The following LRRK2 variants were observed in gnomAD, a reference collection of about 807,000 sequenced individuals.
The protein encoded by LRRK2 is leucine-rich repeat serine/threonine-protein kinase 2.
Under a neutral mutation model 302.6 loss-of-function variants are expected in LRRK2, and 203 were observed. The observed-to-expected ratio is 0.67, with a 90% CI of 0.60 to 0.75. The LOEUF is 0.75. Among genes scored for constraint, LRRK2 ranks in the 30% least tolerant of loss-of-function variants. The pLI is 0.00. For synonymous variants in LRRK2, 1,066 were observed against 1,031.9 expected (o/e 1.03, Z -0.63); for missense variants, 2,830 against 2,951.0 (o/e 0.96, Z 0.95).
At position 40,367,655 on chromosome 12, in the gene LRRK2, T is replaced by C. The variant is rs1375547532; in HGVS notation, c.7474T>C (p.Cys2492Arg). 1 of 1,604,658 alleles carries C rather than the reference T, an allele frequency of 6.2e-7. No homozygotes were observed. The highest frequency in any genetic ancestry group is 2.2e-5 in the East Asian group (1 of 44,504). ...TTTTCTTTTTCTAGAGATACAATCT[T>C]GCTTGACCGTTTGGGACATCAATCT... ...GTQKQKEIQSCLTVWDINLPH... is the reference protein window; with the variant it reads ...GTQKQKEIQSRLTVWDINLPH... Residue 2492 changes from cysteine to arginine, a missense_variant, in exon 51 of 51, where the codon TGC (cysteine) becomes CGC (arginine). By Grantham distance (180) the Cys-to-Arg change is radical. Transcript: ENST00000298910.
At chr12:40,247,256 G>A (rs973545150) in intron 7 of LRRK2, among the ~76,000 whole-genome samples, 1 of 151,802 alleles carries the variant, frequency 6.6e-6, no homozygotes, top group Non-Finnish European at 1.5e-5. Context: ...TTTTTTGTAA[G>A]CTGAATTCTA....
intron 38 of LRRK2, among the ~76,000 whole-genome samples, chr12:40,326,072 C>CCTTAA (rs909255447): frequency 6.6e-6 from 1 of 152,078 alleles, no homozygotes; most frequent in Non-Finnish European, 1.5e-5. Flanking sequence ...TAATAGTAGT[C>CCTTAA]CTTAACTTTA....
chr12:40,316,909 C>G (rs2136865131), intron 33 of LRRK2, among the ~76,000 whole-genome samples: 1 of 152,154 alleles, frequency 6.6e-6, no homozygotes, highest in East Asian at 1.9e-4. Flanking sequence ...GGAGGTAACT[C>G]AACTCCACAT....
At chr12:40,316,447 C>A in intron 33 of LRRK2, 2 of 531,584 alleles carry the variant, frequency 3.8e-6, no homozygotes, top group Non-Finnish European at 4.8e-6. Context: ...GCACATATGT[C>A]ATGGATAATG....
At chr12:40,299,393 T>C (rs1220551474) in intron 25 of LRRK2, 136 bp downstream of exon 25, 1 of 989,144 alleles carries the variant, frequency 1.0e-6, no homozygotes, top group Non-Finnish European at 1.5e-6. Flanking sequence ...AAAATAAAAT[T>C]AGCAGGTTGG....
chr12:40,315,327 G>T (rs1479257478), intron 33 of LRRK2, 27 bp downstream of exon 33: 2 of 1,557,616 alleles, frequency 1.3e-6, no homozygotes, highest in Non-Finnish European at 8.9e-7. Flanking sequence ...TTTGTGGCAC[G>T]GGGGTTATGG....
chr12:40,263,768 T>C, intron 13 of LRRK2, 21 bp from the exon 14 acceptor site: 1 of 1,524,608 alleles, frequency 6.6e-7, no homozygotes, highest in Non-Finnish European at 9.1e-7. Context: ...TCTTTCTTTA[T>C]TTATTTATCT....
At chr12:40,244,590 G>A (rs1941887269) in intron 7 of LRRK2, among the ~76,000 whole-genome samples, 1 of 151,836 alleles carries the variant, frequency 6.6e-6, no homozygotes, top group African/African-American at 2.4e-5. Flanking sequence ...TGTGAAATAT[G>A]CAATCTGTCA....
intron 18 of LRRK2, 74 bp downstream of exon 18, chr12:40,278,335 C>G: frequency 6.6e-7 from 1 of 1,526,446 alleles, no homozygotes; most frequent in Non-Finnish European, 9.1e-7. Flanking sequence ...CATTGTGTAT[C>G]TCTTACTTAT....
At chr12:40,351,979 TAGAG>T (rs1476723632) in intron 44 of LRRK2, among the ~76,000 whole-genome samples, 1 of 152,250 alleles carries the variant, frequency 6.6e-6, no homozygotes, top group South Asian at 2.1e-4. Context: ...AAGAGAATCT[TAGAG>T]AGAAGTAGAG....
At position 40,308,711 on chromosome 12, in the gene LRRK2, A is replaced by G. The variant is rs991210687; in HGVS notation, c.4189+15A>G. The G allele has an allele frequency of 1.2e-6, 2 of 1,608,844 alleles. No homozygotes were observed. Among genetic ancestry groups the G allele is most frequent in the South Asian group, 1.1e-5 (1 of 90,854 alleles). On this transcript the variant is annotated intron_variant, in intron 29 of 50. Coordinates refer to ENST00000298910, the MANE Select transcript of LRRK2 (RefSeq NM_198578.4). ...GGATTTTGCAGGTATTTCTTTCTAT[A>G]GAATTTTAAAATTCACTTTTACCAT...
At position 40,363,411 on chromosome 12, in the gene LRRK2, T is replaced by C. The variant is rs1397375920; in HGVS notation, c.7038T>C (p.Tyr2346=). 2 of 1,611,578 alleles carry C rather than the reference T, an allele frequency of 1.2e-6. No individual in the cohort carries two copies. Among genetic ancestry groups the C allele is most frequent in the Admixed American group, 1.7e-5 (1 of 59,806 alleles). Residue 2346 remains tyrosine (Y), a synonymous_variant, in exon 48 of 51, where the codon TAT becomes TAC. Transcript: ENST00000298910. ...IETRTSQLFS[Y]AAFSDSNIIT... is the part of the protein sequence containing the mutation. ...TTTTTTTTCTCTGTAGGTTTTCTTA[T>C]GCAGCTTTCAGTGATTCCAACATCA...
intron 14 of LRRK2, among the ~76,000 whole-genome samples, chr12:40,268,353 A>G (rs1943104904): frequency 6.6e-6 from 1 of 152,210 alleles, no homozygotes; most frequent in Admixed American, 6.6e-5. Context: ...AGCAAAATAT[A>G]CCAAGCTTAA....
At chr12:40,336,916 T>A (rs549870446) in intron 40 of LRRK2, among the ~76,000 whole-genome samples, 5 of 152,206 alleles carry the variant, frequency 3.3e-5, no homozygotes, top group Non-Finnish European at 5.9e-5. Flanking sequence ...AAGTGAAGAA[T>A]TGCTATTTTT....
chr12:40,308,329 G>A (rs1195860458), intron 28 of LRRK2, 138 bp from the exon 29 acceptor site: 1 of 653,504 alleles, frequency 1.5e-6, no homozygotes, highest in Non-Finnish European at 2.6e-6. Context: ...TGAAAGACAT[G>A]TACATTATTA....
intron 45 of LRRK2, among the ~76,000 whole-genome samples, chr12:40,355,717 C>G (rs549878092): frequency 4.9e-4 from 74 of 151,982 alleles, no homozygotes; most frequent in Non-Finnish European, 9.1e-4. Flanking sequence ...TAATTTTTTA[C>G]ATTTTTAGTA....
intron 41 of LRRK2, among the ~76,000 whole-genome samples, chr12:40,345,776 G>C (rs1390480324): frequency 6.6e-6 from 1 of 151,772 alleles, no homozygotes; most frequent in South Asian, 2.1e-4. Flanking sequence ...AAATTAAGTT[G>C]TAGACATCAT....
intron 18 of LRRK2, among the ~76,000 whole-genome samples, chr12:40,280,702 G>C (rs1943653644): frequency 6.6e-6 from 1 of 151,722 alleles, no homozygotes; most frequent in Non-Finnish European, 1.5e-5. Flanking sequence ...CTTGAGCCTA[G>C]GAGGTCAAGG....
At chr12:40,240,936 G>T (rs979292019) in intron 6 of LRRK2, among the ~76,000 whole-genome samples, 11 of 152,202 alleles carry the variant, frequency 7.2e-5, no homozygotes, top group African/African-American at 2.7e-4. Flanking sequence ...AGTACCTAGA[G>T]TTAGGAGATC....
Sources: gnomAD v4.1 joint callset for allele counts (sites outside exome capture counted in the v4.1 genomes callset) on GRCh38, gnomAD v4.1.1 for gene constraint, MANE v1.5 for transcripts, NCBI Gene and HGNC (gene_info 2026-07-23, HGNC 2026-07-21) for gene names.